The following ACOX3 variants were observed in gnomAD, a reference collection of about 807,000 sequenced individuals.
ACOX3 encodes peroxisomal acyl-coenzyme A oxidase 3.
A neutral mutation model predicts 81.5 loss-of-function variants in ACOX3; 73 were observed. The ratio of observed to expected loss-of-function variants is 0.90; its 90% CI spans 0.74 to 1.09. The LOEUF (loss-of-function observed/expected upper bound fraction) is 1.09. ACOX3 is among the 50% of genes least tolerant of loss of function. The pLI is 0.00. For missense variants in ACOX3, 947 were observed against 928.0 expected (o/e 1.02, Z -0.27); for synonymous variants, 387 against 375.1 (o/e 1.03, Z -0.37).
chr4:8,408,183 A>G (rs1239826577), intron 6 of ACOX3, among the ~76,000 whole-genome samples: 1 of 152,188 alleles, frequency 6.6e-6, no homozygotes, highest in Non-Finnish European at 1.5e-5. Context: ...AAAAAGGGCT[A>G]AAACCCAAAT....
rs1208848303 is a variant in ACOX3, at chr4:8,431,055, G to A, written c.-15+9593C>T. On this transcript the variant is annotated intron_variant, in intron 1 of 17. Coordinates refer to ENST00000356406, the MANE Select transcript of ACOX3 (RefSeq NM_003501.3). The surrounding 1 kb of genome is among the most constrained non-coding windows in gnomAD (Gnocchi z 5.3). The stretch of plus-strand genomic sequence containing the variant: ...TCTTGGTGGAGCTGGAGGGTGGAGA[G>A]GGAGCTGAGTGGCTTTTTATTGTTG... Among the ~76,000 whole-genome samples the A allele has an allele frequency of 2.0e-5, 3 of 152,104 alleles. No homozygotes were observed. Among genetic ancestry groups the A allele is most frequent in the African/African-American group, 7.2e-5 (3 of 41,412 alleles).
chr4:8,427,254 T>C (rs1480615575), intron 1 of ACOX3, among the ~76,000 whole-genome samples: 1 of 152,228 alleles, frequency 6.6e-6, no homozygotes, highest in Admixed American at 6.5e-5. Flanking sequence ...GATCAGGATA[T>C]AAACCCAGGC....
At position 8,386,272 on chromosome 4, in the gene ACOX3, G is replaced by C. The variant is rs1718279048; in HGVS notation, c.1537+2901C>G. Among the ~76,000 whole-genome samples the C allele has an allele frequency of 6.6e-6, 1 of 152,180 alleles. No individual in the cohort carries two copies. The highest frequency in any genetic ancestry group is 1.9e-4 in the East Asian group (1 of 5,192). ...TCTGTGGCAACATTTGGGAAGCTTA[G>C]AAAGTGACTTGCGGCCGGGCGTGGT... On this transcript the variant is annotated intron_variant, in intron 13 of 17. Transcript: ENST00000356406. The surrounding 1 kb of genome is among the most constrained non-coding windows in gnomAD (Gnocchi z 5.2).
chr4:8,391,389 C>T (rs1039728825), intron 11 of ACOX3, among the ~76,000 whole-genome samples: 3 of 152,170 alleles, frequency 2.0e-5, no homozygotes, highest in African/African-American at 7.2e-5. Context: ...TAGAGCATCA[C>T]AAAAACTCTC....
Position 8,438,725 on chromosome 4 carries a change from G to A in ACOX3, c.-15+1923C>T, listed in dbSNP as rs989265022. The A allele has an allele frequency of 2.6e-5, 4 of 152,148 alleles. No individual in the cohort carries two copies. The East Asian group carries it at 5.8e-4, about 22-fold the overall frequency. 9.4% of individuals were successfully genotyped at this position (152,148 alleles called of 1,614,324 possible). ...TCTAATTTTTCTAGGACCCATATAGGATGGGCCTTATACTGTAATCTTTTC... is the reference window on the plus strand; with the variant it reads ...TCTAATTTTTCTAGGACCCATATAGAATGGGCCTTATACTGTAATCTTTTC... On this transcript the variant is annotated intron_variant, in intron 1 of 17. Transcript: ENST00000356406.
At chr4:8,401,638 G>A (rs557233290) in intron 7 of ACOX3, among the ~76,000 whole-genome samples, 1 of 152,334 alleles carries the variant, frequency 6.6e-6, no homozygotes, top group South Asian at 2.1e-4. Context: ...AATGGCGGAG[G>A]CCAATGTGGA....
Position 8,406,369 on chromosome 4 carries a change from TG to T in ACOX3, c.688-327del, listed in dbSNP as rs1241503237. Among the ~76,000 whole-genome samples the T allele has an allele frequency of 6.6e-6, 1 of 152,116 alleles. No homozygotes were observed. The highest frequency in any genetic ancestry group is 2.4e-5 in the African/African-American group (1 of 41,410). ...TGGGTGTGGGGAAGAGGGGGCCATG[TG>T]GAGACGGAGGCACAGAGTACAGCGC... is the stretch of plus-strand genomic sequence containing the variant. On this transcript the variant is annotated intron_variant, in intron 6 of 17. Coordinates refer to ENST00000356406, the MANE Select transcript of ACOX3 (RefSeq NM_003501.3). This position sits in a 1 kb window ranked among gnomAD's most constrained non-coding sequence, Gnocchi z 5.6.
chr4:8,410,313 A>G lies in ACOX3; in HGVS notation c.586T>C (p.Trp196Arg), dbSNP rs1389655638. ...HSPDFEAAKF[W>R]VGNMGKTATH... ...GCTGTCTTGCCCATGTTGCCAACCC[A>G]AAACTTGGCAGCTTCGAAATCAGGG... is the stretch of plus-strand genomic sequence containing the variant. The change falls in exon 6 of 18, where the codon TGG (tryptophan) becomes CGG (arginine). Residue 196 changes from tryptophan to arginine, a missense_variant. Physicochemically the swap from Trp to Arg is moderately radical, Grantham distance 101 (BLOSUM62 -3). Coordinates refer to ENST00000356406, the MANE Select transcript of ACOX3 (RefSeq NM_003501.3). 6.2e-7 allele frequency: 1 copy of G among 1,614,020 alleles called. No homozygotes were observed. The highest frequency in any genetic ancestry group is 1.3e-5 in the African/African-American group (1 of 74,938).
Position 8,375,860 on chromosome 4 carries a change from GC to G in ACOX3, c.1654-709del, listed in dbSNP as rs200525782. ...AAAGACATGACTGTTCGTAGTGATG[GC>G]TGCACGGTATCCCATGGTGTCTATG... On this transcript the variant is annotated intron_variant, in intron 14 of 17. Coordinates refer to ENST00000356406, the MANE Select transcript of ACOX3 (RefSeq NM_003501.3). Among the ~76,000 whole-genome samples the G allele has an allele frequency of 4.1e-4, 62 of 152,340 alleles. No homozygotes were observed. In the East Asian group the frequency reaches 0.011, roughly 27 times the overall value.
intron 9 of ACOX3, among the ~76,000 whole-genome samples, chr4:8,395,910 G>A (rs907302204): frequency 3.3e-5 from 5 of 152,244 alleles, no homozygotes; most frequent in African/African-American, 1.2e-4. Context: ...GCTTGGCCTG[G>A]GACCTGGGCC....
intron 1 of ACOX3, among the ~76,000 whole-genome samples, chr4:8,417,003 C>T (rs1022891666): frequency 2.6e-5 from 4 of 152,254 alleles, no homozygotes; most frequent in African/African-American, 9.6e-5. Context: ...CTCCACCCAC[C>T]GCCGGTCCAC....
rs1268342248 is a variant in ACOX3, at chr4:8,386,352, G to A, written c.1537+2821C>T. Reference sequence around the variant, plus strand: ...GAGGCCAAGGTGGGCGGATCACGAGGTCAGGATATCGAGACCATCCTGCCT... The same window carrying A: ...GAGGCCAAGGTGGGCGGATCACGAGATCAGGATATCGAGACCATCCTGCCT... On this transcript the variant is annotated intron_variant, in intron 13 of 17. Transcript: ENST00000356406. The surrounding 1 kb of genome is among the most constrained non-coding windows in gnomAD (Gnocchi z 5.2). 6.6e-6 allele frequency among the ~76,000 whole-genome samples: 1 copy of A among 152,078 alleles called. No homozygotes were observed. Among genetic ancestry groups the A allele is most frequent in the South Asian group, 2.1e-4 (1 of 4,820 alleles).
At chr4:8,433,167 C>T (rs1404112837) in intron 1 of ACOX3, among the ~76,000 whole-genome samples, 1 of 152,244 alleles carries the variant, frequency 6.6e-6, no homozygotes, top group African/African-American at 2.4e-5. Context: ...CCTGCTTCCC[C>T]AAAGGGAAAC....
intron 3 of ACOX3, 113 bp downstream of exon 3, chr4:8,415,653 A>G (rs1722246329): frequency 2.3e-6 from 2 of 859,234 alleles, no homozygotes; most frequent in Non-Finnish European, 3.6e-6. Flanking sequence ...ATTTGCAAAT[A>G]TAGCTGGACA....
rs532411325 is a variant in ACOX3 at position 8,398,108 on chromosome 4, G to C, written c.874-989C>G. On this transcript the variant is annotated intron_variant, in intron 8 of 17. Coordinates refer to ENST00000356406, the MANE Select transcript of ACOX3 (RefSeq NM_003501.3). ...CCCGGGAGGCAGAGGAGAGGTTGCAGTGAGCTGAGATCGTGCTGTTGCACT... is the reference window on the plus strand; with the variant it reads ...CCCGGGAGGCAGAGGAGAGGTTGCACTGAGCTGAGATCGTGCTGTTGCACT... 3.3e-5 allele frequency among the ~76,000 whole-genome samples: 5 copies of C among 152,346 alleles called. No homozygotes were observed. In the South Asian group the frequency reaches 1.0e-3, roughly 32 times the overall value.
chr4:8,425,102 T>G (rs1028626461), intron 1 of ACOX3, among the ~76,000 whole-genome samples: 1 of 152,058 alleles, frequency 6.6e-6, no homozygotes, highest in African/African-American at 2.4e-5. Flanking sequence ...GGAACACCTA[T>G]CAAATCTCAG....
intron 16 of ACOX3, among the ~76,000 whole-genome samples, chr4:8,373,314 G>C (rs1447800320): frequency 6.6e-6 from 1 of 152,124 alleles, no homozygotes; most frequent in Non-Finnish European, 1.5e-5. Context: ...GGGTTGCAAA[G>C]GCGGTGTGTG....
chr4:8,398,258 A>C (rs896558227), intron 8 of ACOX3, among the ~76,000 whole-genome samples: 2 of 152,212 alleles, frequency 1.3e-5, no homozygotes, highest in African/African-American at 4.8e-5. Context: ...GTCATGTTTG[A>C]GAAATCTGAA....
At chr4:8,359,122 T>G in the ACOX3 span, among the ~76,000 whole-genome samples, 1 of 152,028 alleles carries the variant, frequency 6.6e-6, no homozygotes, top group Non-Finnish European at 1.5e-5. This position sits in a 1 kb window ranked among gnomAD's most constrained non-coding sequence, Gnocchi z 6.0. Flanking sequence ...GTGACTATAG[T>G]GTGGAAACCC....
Sources: gnomAD v4.1 joint callset for allele counts (sites outside exome capture counted in the v4.1 genomes callset) on GRCh38, gnomAD v4.1.1 for gene constraint, Gnocchi (gnomAD v3.1) non-coding constraint, MANE v1.5 for transcripts, NCBI Gene and HGNC (gene_info 2026-07-23, HGNC 2026-07-21) for gene names.